The following VIPR1 variants were observed in gnomAD, a reference collection of about 807,000 sequenced individuals.
VIPR1 encodes vasoactive intestinal peptide receptor 1.
VIPR1 carries 59 observed loss-of-function variants against 58.8 expected under a neutral mutation model. That is an observed-to-expected ratio of 1.00 (90% confidence interval 0.81 to 1.25). The LOEUF (loss-of-function observed/expected upper bound fraction) is 1.25, where lower values mean the gene tolerates loss of function less well. VIPR1 is among the 50% of genes most tolerant of loss of function. VIPR1 has a pLI of 0.00. For missense variants in VIPR1, 626 were observed against 602.7 expected (o/e 1.04, Z -0.40); for synonymous variants, 251 against 242.1 (o/e 1.04, Z -0.34).
rs1009883635 is a variant in VIPR1, at chr3:42,525,271, C to T, written c.293-616C>T. On this transcript the variant is annotated intron_variant, in intron 3 of 12. Coordinates refer to ENST00000325123, the MANE Select transcript of VIPR1 (RefSeq NM_004624.4). ...GAGGACAGTGGACAGTGCAGCTTGC[C>T]TGGAGCCTCAGCCTCTGCTTGTTTC... Among the ~76,000 whole-genome samples the T allele has an allele frequency of 3.6e-4, 54 of 152,092 alleles. 1 individual carries two copies. The highest frequency in any genetic ancestry group is 1.2e-3 in the African/African-American group (51 of 41,402).
chr3:42,502,175 G>A (rs1379635321), upstream of VIPR1: 1 of 152,334 alleles, frequency 6.6e-6, no homozygotes, highest in Non-Finnish European at 1.5e-5. Context: ...GAAGATAAGT[G>A]GCACTTCCTG....
intron 1 of VIPR1, 181 bp from the exon 2 acceptor site, chr3:42,513,568 G>T: frequency 1.6e-6 from 1 of 610,242 alleles, no homozygotes; most frequent in African/African-American, 1.9e-5. Context: ...GCCGACCCAG[G>T]TTTGGGGGCA....
intron 2 of VIPR1, among the ~76,000 whole-genome samples, chr3:42,514,541 C>CCACA (rs111610459): frequency 0.052 from 7,529 of 144,026 alleles, 500 homozygotes; most frequent in African/African-American, 0.15. Context: ...GATAGTGACA[C>CCACA]CACACACACA....
chr3:42,505,652 C>T (rs1700088281), intron 1 of VIPR1, among the ~76,000 whole-genome samples: 2 of 152,382 alleles, frequency 1.3e-5, no homozygotes, highest in African/African-American at 2.4e-5. Flanking sequence ...AGTTTCTACC[C>T]TCCTGTCCTG....
chr3:42,516,178 C>A (rs1700614981), intron 2 of VIPR1, among the ~76,000 whole-genome samples: 2 of 152,212 alleles, frequency 1.3e-5, no homozygotes, highest in African/African-American at 4.8e-5. Flanking sequence ...GGCTTTCCTG[C>A]TGAGGGCACA....
intron 6 of VIPR1, among the ~76,000 whole-genome samples, chr3:42,529,171 T>C (rs934698740): frequency 6.6e-6 from 1 of 152,186 alleles, no homozygotes; most frequent in African/African-American, 2.4e-5. Context: ...AGCTGAGTTA[T>C]GGCCAGACGC....
intron 1 of VIPR1, among the ~76,000 whole-genome samples, chr3:42,490,671 G>A (rs1699649013): frequency 6.6e-6 from 1 of 152,166 alleles, no homozygotes; most frequent in Non-Finnish European, 1.5e-5. Context: ...CAATACCTTG[G>A]AAGGTGATAA....
At chr3:42,519,991 CA>C (rs1171868751) in intron 3 of VIPR1, among the ~76,000 whole-genome samples, 4 of 152,118 alleles carry the variant, frequency 2.6e-5, no homozygotes, top group Admixed American at 2.6e-4. Flanking sequence ...GATGTATCAT[CA>C]ATAATAAAAA....
rs563785977 is a variant in VIPR1 at position 42,502,827 on chromosome 3, C to G, written c.78+14C>G. On this transcript the variant is annotated intron_variant, in intron 1 of 12. Transcript: ENST00000325123. Reference sequence around the variant, plus strand: ...CTTGGGCCGGCGGTGAGTGTTCGCCCGGCCGCCCAGAGTCCCGGCAGCCTG... The same window carrying G: ...CTTGGGCCGGCGGTGAGTGTTCGCCGGGCCGCCCAGAGTCCCGGCAGCCTG... 19,181 of 1,251,066 alleles carry G rather than the reference C, an allele frequency of 0.015. 184 individuals carry two copies. Among genetic ancestry groups the G allele is most frequent in the Non-Finnish European group, 0.018 (17,835 of 997,614 alleles). The allele number at this position is 1,251,066 out of a possible 1,614,324, so 77.5% of individuals were successfully genotyped here. A position where few individuals can be genotyped will look rare whatever the true frequency, so the allele number is the denominator to read the frequency against.
intron 10 of VIPR1, chr3:42,532,591 C>T: frequency 1.8e-6 from 1 of 567,962 alleles, no homozygotes; most frequent in Non-Finnish European, 3.2e-6. Context: ...TATGCATCTG[C>T]TGCCAAGCCA....
At chr3:42,502,485 C>G (rs1294980594), upstream of VIPR1, 2 of 347,350 alleles carry the variant, frequency 5.8e-6, no homozygotes, top group Non-Finnish European at 5.2e-6. Flanking sequence ...GCAGAGCTTC[C>G]TCACTGGCAG....
chr3:42,531,035 C>A, intron 7 of VIPR1, 103 bp downstream of exon 7: 1 of 1,434,574 alleles, frequency 7.0e-7, no homozygotes, highest in Non-Finnish European at 9.5e-7. Flanking sequence ...CTACGTCTTG[C>A]TTAGCTGCAG....
intron 1 of VIPR1, 122 bp downstream of exon 1, chr3:42,502,935 A>T: frequency 7.9e-6 from 6 of 760,910 alleles, no homozygotes; most frequent in Non-Finnish European, 1.1e-5. Context: ...AATAGGGGAC[A>T]TCAAGCATCT....
rs769108561 is a variant in VIPR1, at chr3:42,535,018, G to A, written c.1054G>A (p.Val352Ile). The A allele has an allele frequency of 5.0e-6, 8 of 1,614,086 alleles. No homozygotes were observed. Among genetic ancestry groups the A allele is most frequent in the Non-Finnish European group, 6.8e-6 (8 of 1,180,030 alleles). ...ACTCCTGCTGATCCCCCTGTTTGGA[G>A]TACACTACATCATGTTCGCCTTCTT... ...STLLLIPLFG[V>I]HYIMFAFFPD... Residue 352 changes from valine to isoleucine, a missense_variant, in exon 11 of 13, where the codon GTA (valine) becomes ATA (isoleucine). Val to Ile is a conservative substitution (Grantham distance 29). Coordinates refer to ENST00000325123, the MANE Select transcript of VIPR1 (RefSeq NM_004624.4).
At chr3:42,528,211 C>T (rs906404135) in intron 6 of VIPR1, 88 bp downstream of exon 6, 189 of 1,503,830 alleles carry the variant, frequency 1.3e-4, no homozygotes, top group Non-Finnish European at 1.6e-4. Context: ...GCTTCTCCCT[C>T]TCCCTCCTCC....
chr3:42,532,695 C>G lies in VIPR1; in HGVS notation c.1010+362C>G, dbSNP rs748236670. On this transcript the variant is annotated intron_variant, in intron 10 of 12. Coordinates refer to ENST00000325123, the MANE Select transcript of VIPR1 (RefSeq NM_004624.4). The stretch of plus-strand genomic sequence containing the variant: ...TCACATGGAAAAAGGGTGCAATAAA[C>G]ACATAGTAGATGAATGCCCTGGGGG... 1.8e-5 allele frequency: 6 copies of G among 338,410 alleles called. No homozygotes were observed. In the East Asian group the frequency reaches 2.9e-4, roughly 17 times the overall value. The allele number at this position is 338,410 out of a possible 1,614,324, so 21.0% of individuals were successfully genotyped here. A position where few individuals can be genotyped will look rare whatever the true frequency, so the allele number is the denominator to read the frequency against.
At position 42,523,728 on chromosome 3, in the gene VIPR1, C is replaced by T. The variant is rs80177153; in HGVS notation, c.293-2159C>T. On this transcript the variant is annotated intron_variant, in intron 3 of 12. Transcript: ENST00000325123. ...CCAGATGCTTGCCATGTCATTGGGC[C>T]TGGCCTCCTCAAGCCCCGGTCCCTC... Among the ~76,000 whole-genome samples, 1,452 of 152,244 alleles carry T rather than the reference C, an allele frequency of 9.5e-3. 34 individuals are homozygous for T. The highest frequency in any genetic ancestry group is 0.033 in the African/African-American group (1,386 of 41,532).
intron 10 of VIPR1, chr3:42,533,858 G>A (rs1256859739): frequency 6.6e-6 from 1 of 152,336 alleles, no homozygotes; most frequent in Non-Finnish European, 1.5e-5. Flanking sequence ...CCCCCAGCTT[G>A]CTGTGGGACC....
At position 42,527,978 on chromosome 3, in the gene VIPR1, C is replaced by T; in HGVS notation, c.504-13C>T. 1 of 1,613,172 alleles carries T rather than the reference C, an allele frequency of 6.2e-7. No individual in the cohort carries two copies. Among genetic ancestry groups the T allele is most frequent in the Non-Finnish European group, 8.5e-7 (1 of 1,179,494 alleles). On this transcript the variant is annotated splice_polypyrimidine_tract_variant and intron_variant, in intron 5 of 12. Coordinates refer to ENST00000325123, the MANE Select transcript of VIPR1 (RefSeq NM_004624.4). ...GGCCCCTTTGGCCTCCCAGATCTGC[C>T]CACCCCACACAGGAAGCTCCACTGC...
Sources: gnomAD v4.1 joint callset for allele counts (sites outside exome capture counted in the v4.1 genomes callset) on GRCh38, gnomAD v4.1.1 for gene constraint, MANE v1.5 for transcripts, NCBI Gene and HGNC (gene_info 2026-07-23, HGNC 2026-07-21) for gene names.